PTDSS2: variants seen among roughly 807,000 people sequenced by gnomAD.
The protein encoded by PTDSS2 is phosphatidylserine synthase 2.
A neutral mutation model predicts 64.7 loss-of-function variants in PTDSS2; 41 were observed. The observed-to-expected ratio is 0.63, with a 90% CI of 0.49 to 0.82. PTDSS2 has a LOEUF of 0.82. Ranked by LOEUF, PTDSS2 falls within the 40% of genes least tolerant of loss-of-function variation. PTDSS2 has a pLI of 0.00. For missense variants in PTDSS2, 485 were observed against 650.0 expected, an observed-to-expected ratio of 0.75 and a Z score of 2.76; for synonymous variants, 297 against 277.8, an observed-to-expected ratio of 1.07 and a Z score of -0.69.
intron 5 of PTDSS2, 118 bp from the exon 6 acceptor site, chr11:487,302 G>A (rs1478720914): frequency 9.3e-7 from 1 of 1,079,864 alleles, no homozygotes; most frequent in Non-Finnish European, 1.4e-6. Context: ...GCACCTGTGA[G>A]TCCCTGGCCT....
Position 479,020 on chromosome 11 carries a change from G to A in PTDSS2, c.368-65G>A. ...GTGTGAAGGAGCCAGGAGCCGGCCT[G>A]GGGCTGAGCGGGGCCGTGGAGGCCT... is the stretch of plus-strand genomic sequence containing the variant. On this transcript the variant is annotated intron_variant, in intron 3 of 11. Transcript: ENST00000308020. This position sits in a 1 kb window ranked among gnomAD's most constrained non-coding sequence, Gnocchi z 4.2. The A allele has an allele frequency of 7.2e-7, 1 of 1,389,158 alleles. No homozygotes were observed. The highest frequency in any genetic ancestry group is 2.3e-5 in the East Asian group (1 of 43,800). 86.1% of individuals were successfully genotyped at this position (1,389,158 alleles called of 1,614,324 possible). A position where few individuals can be genotyped will look rare whatever the true frequency, so the allele number is the denominator to read the frequency against.
At position 476,622 on chromosome 11, in the gene PTDSS2, G is replaced by C. The variant is rs951456427; in HGVS notation, c.368-2463G>C. Among the ~76,000 whole-genome samples the C allele has an allele frequency of 6.6e-6, 1 of 152,160 alleles. No homozygotes were observed. Among genetic ancestry groups the C allele is most frequent in the African/African-American group, 2.4e-5 (1 of 41,448 alleles). ...CCCTGGCACAGGGAGAGACTCCCGG[G>C]AGACCCTCAGCTCTGAGCAGTCAGG... On this transcript the variant is annotated intron_variant, in intron 3 of 11. Coordinates refer to ENST00000308020, the MANE Select transcript of PTDSS2 (RefSeq NM_030783.3). The surrounding 1 kb of genome is among the most constrained non-coding windows in gnomAD (Gnocchi z 4.9).
rs1016065842 is a variant in PTDSS2 at position 470,988 on chromosome 11, T to C, written c.285-2907T>C. On this transcript the variant is annotated intron_variant, in intron 2 of 11. Coordinates refer to ENST00000308020, the MANE Select transcript of PTDSS2 (RefSeq NM_030783.3). This position sits in a 1 kb window ranked among gnomAD's most constrained non-coding sequence, Gnocchi z 5.3. ...CAATAATTCTGTAAATCTAAAACCA[T>C]TCTAAAATTAAAAATTTATTTTTAA... Among the ~76,000 whole-genome samples the C allele has an allele frequency of 2.0e-5, 3 of 152,360 alleles. No individual in the cohort carries two copies. Among genetic ancestry groups the C allele is most frequent in the Admixed American group, 2.0e-4 (3 of 15,302 alleles).
chr11:464,624 C>T (rs908288281), intron 2 of PTDSS2, among the ~76,000 whole-genome samples: 4 of 152,244 alleles, frequency 2.6e-5, no homozygotes, highest in African/African-American at 4.8e-5. Flanking sequence ...AGCTTCGCGG[C>T]ATCCTTGCTG....
At chr11:488,701 C>G in intron 8 of PTDSS2, 54 bp downstream of exon 8, 1 of 1,329,352 alleles carries the variant, frequency 7.5e-7, no homozygotes, top group Non-Finnish European at 1.1e-6. Flanking sequence ...CTGGAGGCAG[C>G]CTCAGCGTCC....
chr11:455,674 C>A (rs575473481), intron 1 of PTDSS2, among the ~76,000 whole-genome samples: 1 of 152,240 alleles, frequency 6.6e-6, no homozygotes, highest in African/African-American at 2.4e-5. Flanking sequence ...CCTCGCGCTC[C>A]CTTCTTGCTA....
At chr11:471,591 CACGGATGGTG>C (rs1847436557) in intron 2 of PTDSS2, among the ~76,000 whole-genome samples, 1 of 151,258 alleles carries the variant, frequency 6.6e-6, no homozygotes. Flanking sequence ...CCTGGGGTGA[CACGGATGGTG>C]GCCTGGGATG....
At chr11:450,772 G>A in intron 1 of PTDSS2, 135 bp downstream of exon 1, 1 of 804,842 alleles carries the variant, frequency 1.2e-6, no homozygotes, top group African/African-American at 1.8e-5. Context: ...GTTTGAGGGT[G>A]TGGCAGCACC....
Position 479,641 on chromosome 11 carries a change from C to T in PTDSS2, c.435+489C>T, listed in dbSNP as rs1023877094. On this transcript the variant is annotated intron_variant, in intron 4 of 11. Coordinates refer to ENST00000308020, the MANE Select transcript of PTDSS2 (RefSeq NM_030783.3). The surrounding 1 kb of genome is among the most constrained non-coding windows in gnomAD (Gnocchi z 4.2). ...TGGGCCTCAGAGGGGACCCCAGCGC[C>T]AAGAGGGACGGGGTCTTTGTTTTTG... 6.6e-6 allele frequency among the ~76,000 whole-genome samples: 1 copy of T among 152,216 alleles called. No individual in the cohort carries two copies. Among genetic ancestry groups the T allele is most frequent in the Non-Finnish European group, 1.5e-5 (1 of 68,044 alleles).
intron 2 of PTDSS2, among the ~76,000 whole-genome samples, chr11:468,159 C>T (rs968468328): frequency 2.6e-5 from 4 of 152,206 alleles, no homozygotes; most frequent in African/African-American, 9.6e-5. Context: ...TAAGCCACTG[C>T]GACCGGGAGG....
rs765292122 is a variant in PTDSS2, at chr11:479,208, G to A, written c.435+56G>A. On this transcript the variant is annotated intron_variant, in intron 4 of 11. Transcript: ENST00000308020. The surrounding 1 kb of genome is among the most constrained non-coding windows in gnomAD (Gnocchi z 4.2). ...GAACTTAGGTGACAGTGTGGCCCCA[G>A]GCATGGTGACAAAGGAGGCCTTGCC... 2 of 1,432,614 alleles carry A rather than the reference G, an allele frequency of 1.4e-6. No individual in the cohort carries two copies. The highest frequency in any genetic ancestry group is 2.0e-6 in the Non-Finnish European group (2 of 1,014,504). 88.7% of individuals were successfully genotyped at this position (1,432,614 alleles called of 1,614,324 possible).
At chr11:451,256 C>A in intron 1 of PTDSS2, 1 of 368,960 alleles carries the variant, frequency 2.7e-6, no homozygotes. Context: ...GCCCTAGCTA[C>A]ACCTTGGGGT....
intron 4 of PTDSS2, among the ~76,000 whole-genome samples, chr11:484,336 C>G (rs749496879): frequency 2.6e-5 from 4 of 152,242 alleles, no homozygotes; most frequent in Non-Finnish European, 5.9e-5. Flanking sequence ...ACTCCCCACC[C>G]TGGTCCTGGA....
upstream of PTDSS2, among the ~76,000 whole-genome samples, chr11:449,986 G>A (rs1846241194): frequency 1.3e-5 from 2 of 152,202 alleles, no homozygotes; most frequent in South Asian, 4.1e-4. Context: ...TGAAGGGTCG[G>A]GAAGCGCCCC....
chr11:488,495 C>T (rs373074973), intron 7 of PTDSS2, 34 bp from the exon 8 acceptor site: 6 of 1,565,738 alleles, frequency 3.8e-6, no homozygotes, highest in African/African-American at 1.4e-5. Context: ...CGTTACCCCT[C>T]ACCCCTGCAA....
In PTDSS2 at chr11:490,540, G is replaced by T. The variant is rs1012290495; in HGVS notation, c.1422G>T (p.Gly474=). ...TGGGGCTGGACGAAGACCTGCTGGG[G>T]CCTGGGGTGGCCGAGGGCGAGGGAG... ...HPLGLDEDLL[G]PGVAEGEGAP... Residue 474 remains glycine (G), a synonymous_variant, in exon 12 of 12, where the codon GGG becomes GGT. Transcript: ENST00000308020. The T allele has an allele frequency of 1.2e-6, 2 of 1,611,308 alleles. No individual in the cohort carries two copies.
chr11:476,270 C>CCGT lies in PTDSS2; in HGVS notation c.367+2294_367+2296dup, dbSNP rs1847800166. 6.6e-6 allele frequency among the ~76,000 whole-genome samples: 1 copy of CCGT among 152,172 alleles called. No homozygotes were observed. The highest frequency in any genetic ancestry group is 2.4e-5 in the African/African-American group (1 of 41,446). On this transcript the variant is annotated intron_variant, in intron 3 of 11. Coordinates refer to ENST00000308020, the MANE Select transcript of PTDSS2 (RefSeq NM_030783.3). The surrounding 1 kb of genome is among the most constrained non-coding windows in gnomAD (Gnocchi z 4.9). ...AAGGGGTTTGGATTCCTCAGCAGAG[C>CCGT]CGTGGAAGGTGCAGTGATGGTGAGA...
At chr11:453,507 C>T (rs578078374) in intron 1 of PTDSS2, among the ~76,000 whole-genome samples, 3 of 152,332 alleles carry the variant, frequency 2.0e-5, no homozygotes, top group East Asian at 1.9e-4. Flanking sequence ...TGAGCCTTCT[C>T]AGTGACCTGA....
chr11:490,981 T>C lies in PTDSS2; in HGVS notation c.*399T>C, dbSNP rs1848659817. 4.8e-6 allele frequency: 1 copy of C among 206,384 alleles called. No homozygotes were observed. The highest frequency in any genetic ancestry group is 5.2e-5 in the Admixed American group (1 of 19,132). The allele number at this position is 206,384 out of a possible 1,614,324, so 12.8% of individuals were successfully genotyped here. ...TCTGCCTGGTCAGCCCCGTGGCCTCTGGCCCACCAAGCTCCCTGTCACCCA... is the reference window on the plus strand; with the variant it reads ...TCTGCCTGGTCAGCCCCGTGGCCTCCGGCCCACCAAGCTCCCTGTCACCCA... On this transcript the variant is annotated 3_prime_UTR_variant, in exon 12 of 12. Coordinates refer to ENST00000308020, the MANE Select transcript of PTDSS2 (RefSeq NM_030783.3).
Sources: gnomAD v4.1 joint callset for allele counts (sites outside exome capture counted in the v4.1 genomes callset) on GRCh38, gnomAD v4.1.1 for gene constraint, Gnocchi (gnomAD v3.1) non-coding constraint, MANE v1.5 for transcripts, NCBI Gene and HGNC (gene_info 2026-07-23, HGNC 2026-07-21) for gene names.